Variants in SLC36A3 observed in about 807,000 individuals in gnomAD.
The protein encoded by SLC36A3 is solute carrier family 36 member 3.
In SLC36A3, 35 loss-of-function variants were observed where a neutral mutation model predicts 44.3. The ratio of observed to expected loss-of-function variants is 0.79; its 90% CI spans 0.60 to 1.05. SLC36A3 has a LOEUF of 1.05. Ranked by LOEUF, SLC36A3 falls within the 50% of genes least tolerant of loss-of-function variation. The pLI, the probability that SLC36A3 is intolerant of heterozygous loss-of-function variation, is 0.00. For synonymous variants in SLC36A3, 211 were observed against 227.6 expected, an observed-to-expected ratio of 0.93 and a Z score of 0.66; for missense variants, 540 against 578.7, an observed-to-expected ratio of 0.93 and a Z score of 0.69.
At chr5:151,279,162 C>T (rs1754216792) in intron 9 of SLC36A3, among the ~76,000 whole-genome samples, 1 of 151,468 alleles carries the variant, frequency 6.6e-6, no homozygotes, top group African/African-American at 2.4e-5. Context: ...TTTAGGTCTT[C>T]ACTGAAGTGT....
At chr5:151,287,584 T>C (rs919100762) in intron 5 of SLC36A3, 120 bp from the exon 6 acceptor site, 10 of 867,598 alleles carry the variant, frequency 1.2e-5, no homozygotes, top group Non-Finnish European at 1.8e-5. Context: ...AAATATTGCA[T>C]AAGACACGCT....
chr5:151,278,510 A>G (rs1016768266), intron 9 of SLC36A3, among the ~76,000 whole-genome samples: 1 of 152,224 alleles, frequency 6.6e-6, no homozygotes, highest in Non-Finnish European at 1.5e-5. Context: ...TTGGGGGTAC[A>G]TGTGATAATT....
In SLC36A3 at chr5:151,276,480, A is replaced by T. The variant is rs142344819; in HGVS notation, c.*913T>A. Among the ~76,000 whole-genome samples, 1 of 152,336 alleles carries T rather than the reference A, an allele frequency of 6.6e-6. No homozygotes were observed. The highest frequency in any genetic ancestry group is 6.5e-5 in the Admixed American group (1 of 15,294). On this transcript the variant is annotated 3_prime_UTR_variant, in exon 10 of 10. Transcript: ENST00000335230. Reference sequence around the variant, plus strand: ...ATATTCCATTGTATGGCTACATCACAATTTATTTATCCATTCTCTTGTTTA... The same window carrying T: ...ATATTCCATTGTATGGCTACATCACTATTTATTTATCCATTCTCTTGTTTA...
rs1198017624 is a variant in SLC36A3, at chr5:151,284,286, A to G, written c.808-76T>C. On this transcript the variant is annotated intron_variant, in intron 7 of 9. Transcript: ENST00000335230. ...CCATTGTGAAGGAGAGGGTTCCCGT[A>G]CAAGCACAAATGTCCTTCCCCAGGT... 3 of 1,426,872 alleles carry G rather than the reference A, an allele frequency of 2.1e-6. No individual in the cohort carries two copies. The African/African-American group carries it at 4.3e-5, about 20-fold the overall frequency. The allele number at this position is 1,426,872 out of a possible 1,614,324, so 88.4% of individuals were successfully genotyped here.
intron 6 of SLC36A3, among the ~76,000 whole-genome samples, chr5:151,286,669 A>C (rs1027720158): frequency 6.6e-6 from 1 of 152,014 alleles, no homozygotes; most frequent in African/African-American, 2.4e-5. Flanking sequence ...TTTTCTCCCA[A>C]TAGTTTCCAT....
intron 6 of SLC36A3, among the ~76,000 whole-genome samples, chr5:151,286,485 A>T (rs1381437579): frequency 1.3e-5 from 2 of 151,896 alleles, no homozygotes; most frequent in African/African-American, 4.8e-5. Context: ...TAGAGGCAGG[A>T]TTTTGCTATG....
chr5:151,281,136 G>T lies in SLC36A3; in HGVS notation c.1022C>A (p.Thr341Asn), dbSNP rs899451868. 6.2e-7 allele frequency: 1 copy of T among 1,614,124 alleles called. No homozygotes were observed. Among genetic ancestry groups the T allele is most frequent in the Non-Finnish European group, 8.5e-7 (1 of 1,179,994 alleles). Reference sequence around the variant, plus strand: ...TGGGACGTGGAACTGGAGGGCATAGGTGAAGAAGATGCCGATAGAGTACAT... The same window carrying T: ...TGGGACGTGGAACTGGAGGGCATAGTTGAAGAAGATGCCGATAGAGTACAT... ...KLMYSIGIFFTYALQFHVPAE... is the reference protein window; with the variant it reads ...KLMYSIGIFFNYALQFHVPAE... The change falls in exon 9 of 10, where the codon ACC becomes AAC. Residue 341 changes from threonine to asparagine, a missense_variant. Thr to Asn is a moderately conservative substitution (Grantham distance 65). Transcript: ENST00000335230.
intron 1 of SLC36A3, among the ~76,000 whole-genome samples, chr5:151,300,736 T>C (rs933012234): frequency 6.6e-6 from 1 of 152,198 alleles, no homozygotes; most frequent in Non-Finnish European, 1.5e-5. Flanking sequence ...AAAAATTGGG[T>C]TTATATTTTT....
At chr5:151,282,811 G>C (rs570145625) in intron 8 of SLC36A3, among the ~76,000 whole-genome samples, 1 of 152,242 alleles carries the variant, frequency 6.6e-6, no homozygotes, top group East Asian at 1.9e-4. Flanking sequence ...TGCCTAAACA[G>C]TGTGTCGATG....
intron 4 of SLC36A3, among the ~76,000 whole-genome samples, chr5:151,289,461 A>C (rs1332534392): frequency 6.6e-6 from 1 of 151,490 alleles, no homozygotes; most frequent in East Asian, 1.9e-4. Context: ...ACACCACTAC[A>C]CTCTAGCCTG....
chr5:151,299,864 G>A (rs2127273859), intron 1 of SLC36A3, among the ~76,000 whole-genome samples: 1 of 152,308 alleles, frequency 6.6e-6, no homozygotes, highest in East Asian at 1.9e-4. Flanking sequence ...GAATCATGAA[G>A]TGCTTCACAG....
intron 9 of SLC36A3, among the ~76,000 whole-genome samples, chr5:151,280,277 A>C (rs1170038662): frequency 6.6e-6 from 1 of 152,128 alleles, no homozygotes; most frequent in Non-Finnish European, 1.5e-5. Context: ...AACGTGATGA[A>C]ACCCCGTCTC....
In SLC36A3 at chr5:151,277,196, C is replaced by G. The variant is rs963727979; in HGVS notation, c.*197G>C. 3 of 706,956 alleles carry G rather than the reference C, an allele frequency of 4.2e-6. No individual in the cohort carries two copies. The African/African-American group carries it at 5.4e-5, about 13-fold the overall frequency. The allele number at this position is 706,956 out of a possible 1,614,324, so 43.8% of individuals were successfully genotyped here. On this transcript the variant is annotated 3_prime_UTR_variant, in exon 10 of 10. Coordinates refer to ENST00000335230, the MANE Select transcript of SLC36A3 (RefSeq NM_181774.4). The stretch of plus-strand genomic sequence containing the variant: ...TGGTTCAGAGGTACAAAAGGCCATC[C>G]AAAAAATATAAAACCAAAAGAGGTG...
chr5:151,283,859 C>A (rs1029732254), intron 8 of SLC36A3, among the ~76,000 whole-genome samples, 185 bp downstream of exon 8: 1 of 152,252 alleles, frequency 6.6e-6, no homozygotes, highest in African/African-American at 2.4e-5. Flanking sequence ...CACTTCCCTG[C>A]CCCCTTGGAG....
intron 7 of SLC36A3, 80 bp downstream of exon 7, chr5:151,284,533 A>G: frequency 1.8e-6 from 2 of 1,100,046 alleles, no homozygotes; most frequent in Non-Finnish European, 2.7e-6. Flanking sequence ...CATAAATACT[A>G]TTTATTCAGA....
At position 151,284,220 on chromosome 5, in the gene SLC36A3, A is replaced by G. The variant is rs1754445458; in HGVS notation, c.808-10T>C. The G allele has an allele frequency of 2.5e-6, 4 of 1,580,608 alleles. No individual in the cohort carries two copies. The African/African-American group carries it at 5.5e-5, about 22-fold the overall frequency. Reference sequence around the variant, plus strand: ...TTTTGAGAGGCAGAACCTGGAGGGAAAAAAAAAAGTTGGGAAAGAAAAGGT... The same window carrying G: ...TTTTGAGAGGCAGAACCTGGAGGGAGAAAAAAAAGTTGGGAAAGAAAAGGT... On this transcript the variant is annotated splice_polypyrimidine_tract_variant and intron_variant, in intron 7 of 9. Transcript: ENST00000335230.
intron 6 of SLC36A3, among the ~76,000 whole-genome samples, chr5:151,285,849 C>A (rs1427528829): frequency 1.3e-5 from 2 of 152,198 alleles, no homozygotes; most frequent in South Asian, 2.1e-4. Flanking sequence ...GGCACACAGA[C>A]AGCCTCTACA....
Position 151,281,186 on chromosome 5 carries a change from G to A in SLC36A3, c.975-3C>T. The A allele has an allele frequency of 6.2e-7, 1 of 1,602,916 alleles. No homozygotes were observed. Among genetic ancestry groups the A allele is most frequent in the East Asian group, 2.2e-5 (1 of 44,712 alleles). On this transcript the variant is annotated splice_polypyrimidine_tract_variant and splice_region_variant and intron_variant, in intron 8 of 9. Coordinates refer to ENST00000335230, the MANE Select transcript of SLC36A3 (RefSeq NM_181774.4). ...TCAGCTTGACTGACTGGTACAACCTGCAGACACATGAATTGGATGTGAAAG... is the reference window on the plus strand; with the variant it reads ...TCAGCTTGACTGACTGGTACAACCTACAGACACATGAATTGGATGTGAAAG...
At chr5:151,292,578 G>T (rs1402120209) in intron 4 of SLC36A3, among the ~76,000 whole-genome samples, 1 of 152,198 alleles carries the variant, frequency 6.6e-6, no homozygotes, top group East Asian at 1.9e-4. Flanking sequence ...AAACCATTTT[G>T]TACACCGTTA....
Sources: allele counts gnomAD v4.1 joint callset (sites outside exome capture counted in the v4.1 genomes callset), GRCh38; gene constraint gnomAD v4.1.1; transcripts MANE v1.5; gene names NCBI Gene and HGNC (gene_info 2026-07-23, HGNC 2026-07-21).